GLTP: variants seen among roughly 807,000 people sequenced by gnomAD.
GLTP encodes glycolipid transfer protein.
In GLTP, 22 loss-of-function variants were observed where a neutral mutation model predicts 24.0. That is an observed-to-expected ratio of 0.92 (90% confidence interval 0.65 to 1.31). GLTP has a LOEUF of 1.31. Ranked by LOEUF, GLTP falls within the 50% of genes most tolerant of loss-of-function variation. The pLI is 0.00. For missense variants in GLTP, 224 were observed against 276.6 expected, an observed-to-expected ratio of 0.81 and a Z score of 1.35; for synonymous variants, 92 against 115.9, an observed-to-expected ratio of 0.79 and a Z score of 1.33.
intron 1 of GLTP, among the ~76,000 whole-genome samples, chr12:109,867,421 T>C (rs571593215): frequency 9.7e-4 from 147 of 152,258 alleles, no homozygotes; most frequent in African/African-American, 3.5e-3. Context: ...AGTGCTGGAA[T>C]TACAGGCGTG....
In GLTP at chr12:109,855,992, G is replaced by A. The variant is rs1415844979; in HGVS notation, c.297-223C>T. ...CTTCTCTCCTCCAGGCCTGGTGCTG[G>A]CCCATGACAAGTCACACTGGCTGTA... is the stretch of plus-strand genomic sequence containing the variant. On this transcript the variant is annotated intron_variant, in intron 3 of 4. Transcript: ENST00000318348. The surrounding 1 kb of genome is among the most constrained non-coding windows in gnomAD (Gnocchi z 4.1). Among the ~76,000 whole-genome samples, 3 of 152,024 alleles carry A rather than the reference G, an allele frequency of 2.0e-5. No individual in the cohort carries two copies. Among genetic ancestry groups the A allele is most frequent in the African/African-American group, 7.3e-5 (3 of 41,364 alleles).
chr12:109,876,727 G>T (rs1868896417), intron 1 of GLTP, among the ~76,000 whole-genome samples: 1 of 150,876 alleles, frequency 6.6e-6, no homozygotes. Context: ...GACATGAAAA[G>T]ATGGTTATGC....
intron 2 of GLTP, chr12:109,858,092 A>C (rs73202468): frequency 0.079 from 36,244 of 458,324 alleles, 1,660 homozygotes; most frequent in Middle Eastern, 0.12. Context: ...AAGGCCTCTG[A>C]GATGGAGCCA....
chr12:109,857,572 C>G lies in GLTP; in HGVS notation c.250G>C (p.Glu84Gln). ...LEVEKEMYGA[E>Q]WPKVGATLAL... The stretch of plus-strand genomic sequence containing the variant: ...AGTGTGGCCCCTACTTTGGGCCACT[C>G]TGCTCCATACATTTCTTTCTCCACC... The change falls in exon 3 of 5, where the codon GAG becomes CAG. Residue 84 changes from glutamate to glutamine, a missense_variant. Physicochemically the swap from Glu to Gln is conservative, Grantham distance 29. Coordinates refer to ENST00000318348, the MANE Select transcript of GLTP (RefSeq NM_016433.4). The surrounding 1 kb of genome is among the most constrained non-coding windows in gnomAD (Gnocchi z 4.3). The G allele has an allele frequency of 6.2e-7, 1 of 1,614,104 alleles. No homozygotes were observed. The highest frequency in any genetic ancestry group is 2.2e-5 in the East Asian group (1 of 44,886).
intron 3 of GLTP, among the ~76,000 whole-genome samples, chr12:109,856,769 C>T (rs1449431902): frequency 3.3e-5 from 5 of 152,166 alleles, no homozygotes; most frequent in Admixed American, 3.3e-4. Context: ...AATTAGAACT[C>T]CTCCTCACGG....
intron 1 of GLTP, among the ~76,000 whole-genome samples, chr12:109,859,361 A>G (rs1453529666): frequency 6.6e-6 from 1 of 152,194 alleles, no homozygotes; most frequent in African/African-American, 2.4e-5. Flanking sequence ...CTCTACTAAT[A>G]TACAAAAATT....
chr12:109,865,763 A>G (rs930410129), intron 1 of GLTP, among the ~76,000 whole-genome samples: 3 of 152,180 alleles, frequency 2.0e-5, no homozygotes, highest in African/African-American at 7.2e-5. Flanking sequence ...AAGAAAAATC[A>G]GATGTGGTCC....
chr12:109,873,466 C>G (rs1315238693), intron 1 of GLTP, among the ~76,000 whole-genome samples: 1 of 151,984 alleles, frequency 6.6e-6, no homozygotes. Context: ...AACCCTGTCT[C>G]TAGTGAAAAT....
At chr12:109,871,806 T>C (rs1183772019) in intron 1 of GLTP, among the ~76,000 whole-genome samples, 1 of 152,228 alleles carries the variant, frequency 6.6e-6, no homozygotes, top group Non-Finnish European at 1.5e-5. Context: ...ATTCCTCCCA[T>C]TCCTTTTCAC....
chr12:109,851,181 CAAGAG>C lies in GLTP; in HGVS notation c.*1369_*1373del, dbSNP rs1892717003. 6.6e-6 allele frequency: 1 copy of C among 152,582 alleles called. No homozygotes were observed. The highest frequency in any genetic ancestry group is 6.5e-5 in the Admixed American group (1 of 15,274). The allele number at this position is 152,582 out of a possible 1,614,324, so 9.5% of individuals were successfully genotyped here. A position where few individuals can be genotyped will look rare whatever the true frequency, so the allele number is the denominator to read the frequency against. On this transcript the variant is annotated 3_prime_UTR_variant, in exon 5 of 5. Transcript: ENST00000318348. ...AGCTGAAGGGTTCATCTCTCCCCGT[CAAGAG>C]AATACACACGGTAGGTAGTTTCTTA... is the stretch of plus-strand genomic sequence containing the variant.
Position 109,857,480 on chromosome 12 carries a change from C to A in GLTP, c.296+46G>T. 2 of 1,604,398 alleles carry A rather than the reference C, an allele frequency of 1.2e-6. No homozygotes were observed. The highest frequency in any genetic ancestry group is 1.1e-5 in the South Asian group (1 of 90,574). On this transcript the variant is annotated intron_variant, in intron 3 of 4. Transcript: ENST00000318348. The surrounding 1 kb of genome is among the most constrained non-coding windows in gnomAD (Gnocchi z 4.3). ...CGGAACAGTGACAGGTTTGCTTTCC[C>A]TCCTCTGCAGCACAGAGCCCAGGCC...
At chr12:109,872,613 G>A (rs1025462629) in intron 1 of GLTP, among the ~76,000 whole-genome samples, 9 of 152,122 alleles carry the variant, frequency 5.9e-5, no homozygotes, top group African/African-American at 1.2e-4. Flanking sequence ...CCACCAGCAC[G>A]GCACCAGCAC....
Position 109,880,215 on chromosome 12 carries a change from G to T in GLTP, c.103+57C>A. ...GATGGTTAGGGGATGCTCGGGGGAA[G>T]GAGGATTCGGGTGCGCGTGGGGCTG... On this transcript the variant is annotated intron_variant, in intron 1 of 4. Coordinates refer to ENST00000318348, the MANE Select transcript of GLTP (RefSeq NM_016433.4). This position sits in a 1 kb window ranked among gnomAD's most constrained non-coding sequence, Gnocchi z 5.1. 1 of 1,023,638 alleles carries T rather than the reference G, an allele frequency of 9.8e-7. No homozygotes were observed. Among genetic ancestry groups the T allele is most frequent in the Non-Finnish European group, 1.5e-6 (1 of 670,226 alleles). 63.4% of individuals were successfully genotyped at this position (1,023,638 alleles called of 1,614,324 possible).
chr12:109,865,656 A>G (rs1249582595), intron 1 of GLTP, among the ~76,000 whole-genome samples: 1 of 151,622 alleles, frequency 6.6e-6, no homozygotes, highest in Non-Finnish European at 1.5e-5. Context: ...CCAGTCTCCA[A>G]CTCCTGGGCT....
At chr12:109,875,174 C>T (rs1017640106) in intron 1 of GLTP, among the ~76,000 whole-genome samples, 3 of 152,108 alleles carry the variant, frequency 2.0e-5, no homozygotes, top group Admixed American at 6.6e-5. Context: ...GTACTAGCAC[C>T]GAGTGTTACA....
intron 1 of GLTP, among the ~76,000 whole-genome samples, chr12:109,878,783 C>G (rs924834254): frequency 1.3e-5 from 2 of 152,236 alleles, no homozygotes; most frequent in Admixed American, 6.5e-5. Flanking sequence ...GTGCCAGGCA[C>G]TGTTCTGGGC....
intron 1 of GLTP, among the ~76,000 whole-genome samples, chr12:109,866,985 C>A (rs1423103053): frequency 6.7e-6 from 1 of 149,940 alleles, no homozygotes; most frequent in African/African-American, 2.5e-5. Flanking sequence ...ATACCATTGC[C>A]CAGGCTGGTC....
At chr12:109,862,683 A>G (rs1336733741) in intron 1 of GLTP, among the ~76,000 whole-genome samples, 1 of 152,136 alleles carries the variant, frequency 6.6e-6, no homozygotes, top group African/African-American at 2.4e-5. Flanking sequence ...CCAGGAGTTC[A>G]AGGCTGCAAT....
intron 1 of GLTP, among the ~76,000 whole-genome samples, chr12:109,872,103 C>T (rs1868736191): frequency 6.6e-6 from 1 of 152,230 alleles, no homozygotes; most frequent in Non-Finnish European, 1.5e-5. Flanking sequence ...TGGGCGGGTG[C>T]CACTGGTCTG....
Sources: allele counts gnomAD v4.1 joint callset (sites outside exome capture counted in the v4.1 genomes callset), GRCh38; gene constraint gnomAD v4.1.1; non-coding constraint Gnocchi (gnomAD v3.1); transcripts MANE v1.5; gene names NCBI Gene and HGNC (gene_info 2026-07-23, HGNC 2026-07-21).